The following SAMMSON variants were observed in gnomAD, a reference collection of about 807,000 sequenced individuals.
SAMMSON encodes the protein long intergenic non-protein coding RNA 1212.
chr3:70,393,287 C>T (rs935768389), downstream of SAMMSON, among the ~76,000 whole-genome samples: 6 of 152,152 alleles, frequency 3.9e-5, no homozygotes, highest in African/African-American at 9.7e-5. Context: ...TGGGCAAGTC[C>T]GTAAAACTCT....
chr3:70,307,122 A>C (rs1702409400), intron 7 of SAMMSON, among the ~76,000 whole-genome samples: 1 of 152,134 alleles, frequency 6.6e-6, no homozygotes, highest in South Asian at 2.1e-4. Context: ...AGAAGCTGCA[A>C]ACTGGCAGTC....
At chr3:70,015,676 T>G (rs1312608441) in intron 3 of SAMMSON, among the ~76,000 whole-genome samples, 1 of 142,076 alleles carries the variant, frequency 7.0e-6, no homozygotes, top group African/African-American at 3.1e-5. Context: ...TAACTCGTCA[T>G]TTACTTTAGG....
At chr3:70,053,755 CATTTCCT>C (rs1475051960) in intron 3 of SAMMSON, among the ~76,000 whole-genome samples, 1 of 152,054 alleles carries the variant, frequency 6.6e-6, no homozygotes, top group African/African-American at 2.4e-5. Context: ...TTCACTGGTG[CATTTCCT>C]ATGGAACTAT....
At chr3:70,320,126 A>G (rs922909680) in intron 7 of SAMMSON, among the ~76,000 whole-genome samples, 1 of 152,228 alleles carries the variant, frequency 6.6e-6, no homozygotes, top group Non-Finnish European at 1.5e-5. Flanking sequence ...GCTGAGGACC[A>G]GCAAACAGGA....
chr3:70,132,706 C>T (rs2067487262), intron 4 of SAMMSON, among the ~76,000 whole-genome samples: 1 of 150,548 alleles, frequency 6.6e-6, no homozygotes, highest in Non-Finnish European at 1.5e-5. Flanking sequence ...CTTTCGGAGG[C>T]CAAGGCAGGT....
chr3:70,256,088 T>C (rs1040072151), intron 6 of SAMMSON, among the ~76,000 whole-genome samples: 3 of 152,204 alleles, frequency 2.0e-5, no homozygotes, highest in African/African-American at 7.2e-5. Context: ...AATTCAGGGT[T>C]TTAGGTAATG....
intron 3 of SAMMSON, among the ~76,000 whole-genome samples, chr3:70,057,702 T>C (rs772783126): frequency 1.3e-5 from 2 of 151,824 alleles, no homozygotes; most frequent in Non-Finnish European, 2.9e-5. Context: ...TCTACAATCA[T>C]GCTATAAATT....
intron 2 of SAMMSON, among the ~76,000 whole-genome samples, chr3:70,427,817 G>A (rs979436581): frequency 1.6e-4 from 25 of 151,772 alleles, no homozygotes; most frequent in Non-Finnish European, 2.9e-4. Flanking sequence ...AAATAGTTGC[G>A]GAGTCTCTTG....
chr3:70,216,791 C>A (rs1202863082), intron 4 of SAMMSON, among the ~76,000 whole-genome samples: 1 of 152,094 alleles, frequency 6.6e-6, no homozygotes, highest in South Asian at 2.1e-4. Flanking sequence ...ATTTTGCCCC[C>A]CAAGGGAATG....
rs528765300 is a variant in SAMMSON at position 70,325,801 on chromosome 3, T to C, written n.740-28374T>C. Among the ~76,000 whole-genome samples the C allele has an allele frequency of 3.3e-5, 5 of 152,194 alleles. No homozygotes were observed. In the South Asian group the frequency reaches 1.0e-3, roughly 32 times the overall value. ...TAGGTATATCAGATTGTAAATCACATCTCTGTTAGAATAAAGGAAGTCTTG... is the reference window on the plus strand; with the variant it reads ...TAGGTATATCAGATTGTAAATCACACCTCTGTTAGAATAAAGGAAGTCTTG... On this transcript the variant is annotated intron_variant and non_coding_transcript_variant, in intron 7 of 9. Transcript: ENST00000642114.
intron 4 of SAMMSON, chr3:70,126,199 A>G: frequency 1.8e-6 from 2 of 1,096,478 alleles, no homozygotes; most frequent in Admixed American, 2.0e-5. Context: ...TACATTTTCT[A>G]CTGTTAAATA....
intron 3 of SAMMSON, among the ~76,000 whole-genome samples, chr3:70,022,484 C>T (rs2067019996): frequency 6.9e-6 from 1 of 144,248 alleles, no homozygotes; most frequent in Non-Finnish European, 1.5e-5. Context: ...GTAGGGAAGA[C>T]AGACAACCAG....
At chr3:70,353,155 A>C (rs890617578) in intron 7 of SAMMSON, among the ~76,000 whole-genome samples, 1 of 152,024 alleles carries the variant, frequency 6.6e-6, no homozygotes, top group African/African-American at 2.4e-5. Flanking sequence ...TAGATTTACC[A>C]TCAAAATCAT....
At chr3:70,002,363 C>T (rs879353988) in intron 1 of SAMMSON, among the ~76,000 whole-genome samples, 11 of 152,096 alleles carry the variant, frequency 7.2e-5, no homozygotes, top group Admixed American at 5.2e-4. Context: ...TTAATTACAG[C>T]TTATTTGTAA....
At chr3:70,094,881 G>C in intron 4 of SAMMSON, 1 of 152,204 alleles carries the variant, frequency 6.6e-6, no homozygotes, top group Non-Finnish European at 1.5e-5. Context: ...AAGGTGGGGA[G>C]GGAGAGGTTA....
chr3:70,083,318 C>G (rs2067273212), intron 4 of SAMMSON, among the ~76,000 whole-genome samples: 1 of 152,160 alleles, frequency 6.6e-6, no homozygotes, highest in Admixed American at 6.5e-5. Context: ...TTAAAGTTTA[C>G]ATGTCAGCTC....
At chr3:70,097,095 A>G (rs1201635656) in intron 4 of SAMMSON, among the ~76,000 whole-genome samples, 1 of 152,234 alleles carries the variant, frequency 6.6e-6, no homozygotes, top group Admixed American at 6.5e-5. Context: ...ATGTGAATGA[A>G]TATTGGGTGC....
At chr3:70,396,408 T>A (rs1701093656) in intron 2 of SAMMSON, among the ~76,000 whole-genome samples, 1 of 152,214 alleles carries the variant, frequency 6.6e-6, no homozygotes, top group African/African-American at 2.4e-5. Flanking sequence ...TCATGCCTAA[T>A]GTCCTGTGAT....
At chr3:70,059,671 GCTAAT>G (rs748001798) in intron 3 of SAMMSON, among the ~76,000 whole-genome samples, 6 of 152,066 alleles carry the variant, frequency 3.9e-5, no homozygotes, top group Non-Finnish European at 8.8e-5. Flanking sequence ...TGATTCAAAT[GCTAAT>G]CTCATCTGGA....
Sources: allele counts gnomAD v4.1 joint callset (sites outside exome capture counted in the v4.1 genomes callset), GRCh38; gene constraint gnomAD v4.1.1; transcripts MANE v1.5; gene names NCBI Gene and HGNC (gene_info 2026-07-23, HGNC 2026-07-21).